PKIB: variants seen among roughly 807,000 people sequenced by gnomAD.
PKIB encodes the protein cAMP-dependent protein kinase inhibitor beta.
In PKIB, 2 loss-of-function variants were observed where a neutral mutation model predicts 4.5. That is an observed-to-expected ratio of 0.44 (90% CI 0.18 to 1.39). PKIB has a LOEUF of 1.39. PKIB is among the 40% of genes most tolerant of loss of function. The probability of loss-of-function intolerance (pLI) is 0.27; values close to 1 mark genes in which losing one functional copy is unlikely to be tolerated. For missense variants in PKIB, 94 were observed against 92.6 expected, an observed-to-expected ratio of 1.02 and a Z score of -0.06; for synonymous variants, 38 against 36.0, an observed-to-expected ratio of 1.06 and a Z score of -0.20.
intron 2 of PKIB, among the ~76,000 whole-genome samples, chr6:122,585,306 C>G (rs566514712): frequency 3.0e-4 from 45 of 152,138 alleles, no homozygotes; most frequent in Non-Finnish European, 4.9e-4. Flanking sequence ...ATGCAAGAGT[C>G]TCCTGTACAA....
chr6:122,700,642 C>T (rs1018467718), intron 3 of PKIB, among the ~76,000 whole-genome samples: 4 of 152,190 alleles, frequency 2.6e-5, no homozygotes, highest in Admixed American at 6.5e-5. Context: ...ACTGCCCTAC[C>T]GTTTCTGTCG....
At chr6:122,550,883 GTCTT>G (rs1408695398) in intron 2 of PKIB, among the ~76,000 whole-genome samples, 1 of 152,128 alleles carries the variant, frequency 6.6e-6, no homozygotes, top group Non-Finnish European at 1.5e-5. Context: ...ACTTGAAAAT[GTCTT>G]TATTTTACCG....
At chr6:122,614,919 G>A (rs1273321222) in intron 1 of PKIB, among the ~76,000 whole-genome samples, 16 of 152,006 alleles carry the variant, frequency 1.1e-4, no homozygotes, top group Admixed American at 9.8e-4. Context: ...AGCTTCTGGA[G>A]CCAGGTATAA....
intron 1 of PKIB, among the ~76,000 whole-genome samples, chr6:122,616,308 G>T (rs1203514113): frequency 6.6e-6 from 1 of 152,098 alleles, no homozygotes; most frequent in African/African-American, 2.4e-5. Flanking sequence ...AAGGGTTGAA[G>T]GGACTTTTGT....
intron 2 of PKIB, among the ~76,000 whole-genome samples, chr6:122,541,950 G>T (rs1017403032): frequency 4.6e-5 from 7 of 151,774 alleles, no homozygotes; most frequent in Admixed American, 6.6e-5. Flanking sequence ...CTATCACTGA[G>T]ACCCTTTCTT....
At chr6:122,515,873 G>A (rs1052374510) in intron 2 of PKIB, among the ~76,000 whole-genome samples, 16 of 151,992 alleles carry the variant, frequency 1.1e-4, no homozygotes, top group African/African-American at 3.6e-4. Flanking sequence ...GCACCACCAC[G>A]CCCTGCTAAT....
At chr6:122,697,941 T>C (rs1033538345) in intron 3 of PKIB, among the ~76,000 whole-genome samples, 3 of 152,084 alleles carry the variant, frequency 2.0e-5, no homozygotes, top group African/African-American at 7.2e-5. Context: ...TGGGTACCTG[T>C]GAAACAAGAG....
chr6:122,664,329 C>A (rs1486761907), intron 2 of PKIB, among the ~76,000 whole-genome samples: 1 of 152,194 alleles, frequency 6.6e-6, no homozygotes, highest in African/African-American at 2.4e-5. Flanking sequence ...TTATGAATGT[C>A]ATTGGCCTAA....
chr6:122,677,779 A>G (rs1262916273), intron 3 of PKIB, among the ~76,000 whole-genome samples: 2 of 152,086 alleles, frequency 1.3e-5, no homozygotes, highest in Non-Finnish European at 1.5e-5. Context: ...TTTCTGTCAC[A>G]ATTGAATGAC....
intron 2 of PKIB, among the ~76,000 whole-genome samples, chr6:122,488,398 CTTT>C (rs1775833357): frequency 6.6e-6 from 1 of 152,030 alleles, no homozygotes; most frequent in African/African-American, 2.4e-5. Flanking sequence ...CTGTCTTTTA[CTTT>C]TTCCCTTCAT....
At chr6:122,680,086 A>T (rs1777836460) in intron 3 of PKIB, among the ~76,000 whole-genome samples, 1 of 152,248 alleles carries the variant, frequency 6.6e-6, no homozygotes, top group Non-Finnish European at 1.5e-5. Flanking sequence ...TAAATAGAAC[A>T]CATAAACTCT....
At chr6:122,494,119 C>G (rs920582103) in intron 2 of PKIB, among the ~76,000 whole-genome samples, 1 of 152,158 alleles carries the variant, frequency 6.6e-6, no homozygotes, top group African/African-American at 2.4e-5. Flanking sequence ...TAATTCCACA[C>G]AGACCTTGAA....
chr6:122,633,178 A>T (rs1193316214), intron 1 of PKIB, 105 bp from the exon 2 acceptor site: 1 of 152,198 alleles, frequency 6.6e-6, no homozygotes, highest in Non-Finnish European at 1.5e-5. Flanking sequence ...TTTGGTCACT[A>T]AGTTAGACTT....
chr6:122,597,969 G>A (rs1774231968), intron 3 of PKIB, among the ~76,000 whole-genome samples: 1 of 152,160 alleles, frequency 6.6e-6, no homozygotes, highest in Non-Finnish European at 1.5e-5. Context: ...TCAGCTCAGA[G>A]CCAGTGTCCA....
chr6:122,709,204 T>C (rs150028527), intron 3 of PKIB, among the ~76,000 whole-genome samples: 1 of 152,302 alleles, frequency 6.6e-6, no homozygotes, highest in African/African-American at 2.4e-5. Context: ...AGAAGTTAGA[T>C]GTCTTTCTAG....
intron 1 of PKIB, among the ~76,000 whole-genome samples, chr6:122,618,203 T>C (rs1274132085): frequency 6.6e-6 from 1 of 152,120 alleles, no homozygotes; most frequent in East Asian, 1.9e-4. Context: ...CCCAAACGAT[T>C]AAAATTCATT....
chr6:122,712,459 A>G (rs1248524070), intron 3 of PKIB, among the ~76,000 whole-genome samples: 3 of 152,188 alleles, frequency 2.0e-5, no homozygotes, highest in Non-Finnish European at 2.9e-5. Context: ...AACATGTAGC[A>G]TAAGGGATTA....
intron 2 of PKIB, among the ~76,000 whole-genome samples, chr6:122,496,139 C>CAGTGTA (rs1776071395): frequency 6.6e-6 from 1 of 152,180 alleles, no homozygotes; most frequent in Non-Finnish European, 1.5e-5. Flanking sequence ...TACACAACTA[C>CAGTGTA]CTGCTTGTGC....
At chr6:122,502,739 T>A (rs1776280193) in intron 2 of PKIB, among the ~76,000 whole-genome samples, 1 of 152,162 alleles carries the variant, frequency 6.6e-6, no homozygotes, top group South Asian at 2.1e-4. Context: ...TTTATATACA[T>A]ACTGAATATA....
Sources: gnomAD v4.1 joint callset for allele counts (sites outside exome capture counted in the v4.1 genomes callset) on GRCh38, gnomAD v4.1.1 for gene constraint, MANE v1.5 for transcripts, NCBI Gene and HGNC (gene_info 2026-07-23, HGNC 2026-07-21) for gene names.